Variants in GLRA3 observed in about 807,000 individuals in gnomAD.
GLRA3 encodes glycine receptor alpha 3.
GLRA3 carries 44 observed loss-of-function variants against 60.4 expected under a neutral mutation model. The observed-to-expected ratio is 0.73, with a 90% confidence interval of 0.57 to 0.94. The LOEUF is 0.94. GLRA3 is among the 40% of genes least tolerant of loss of function. The probability of loss-of-function intolerance (pLI) is 0.00; values close to 1 mark genes in which losing one functional copy is unlikely to be tolerated. For missense variants in GLRA3, 508 were observed against 564.6 expected (o/e 0.90, Z 1.02); for synonymous variants, 223 against 192.9 (o/e 1.16, Z -1.29).
chr4:174,815,543 T>G (rs1021025323), intron 1 of GLRA3, among the ~76,000 whole-genome samples: 1 of 152,220 alleles, frequency 6.6e-6, no homozygotes, highest in African/African-American at 2.4e-5. Flanking sequence ...GGCATTTCCA[T>G]ACATCCTCTG....
intron 5 of GLRA3, among the ~76,000 whole-genome samples, chr4:174,685,365 G>C (rs1247986271): frequency 6.6e-6 from 1 of 152,172 alleles, no homozygotes; most frequent in African/African-American, 2.4e-5. Context: ...GATGGTAGTA[G>C]CAAGAGCATC....
Position 174,640,741 on chromosome 4 carries a change from T to C in GLRA3, c.*3045A>G, listed in dbSNP as rs1440445711. The C allele has an allele frequency of 6.6e-6, 1 of 151,974 alleles. No individual in the cohort carries two copies. Among genetic ancestry groups the C allele is most frequent in the Non-Finnish European group, 1.5e-5 (1 of 67,950 alleles). The allele number at this position is 151,974 out of a possible 1,614,324, so 9.4% of individuals were successfully genotyped here. A position where few individuals can be genotyped will look rare whatever the true frequency, so the allele number is the denominator to read the frequency against. ...TTCATGTCTTAGGGATATATAAATATACAAGCAATTAAATTCCAAATTAAG... is the reference window on the plus strand; with the variant it reads ...TTCATGTCTTAGGGATATATAAATACACAAGCAATTAAATTCCAAATTAAG... On this transcript the variant is annotated 3_prime_UTR_variant, in exon 10 of 10. Transcript: ENST00000274093.
At chr4:174,661,098 T>TG (rs1361040457) in intron 7 of GLRA3, among the ~76,000 whole-genome samples, 3 of 152,180 alleles carry the variant, frequency 2.0e-5, no homozygotes, top group Non-Finnish European at 2.9e-5. Context: ...ATCTGGGCAC[T>TG]GGGTGTATTC....
chr4:174,677,322 T>A, intron 6 of GLRA3, 30 bp from the exon 7 acceptor site: 1 of 1,225,098 alleles, frequency 8.2e-7, no homozygotes, highest in Non-Finnish European at 1.2e-6. Context: ...ATACAGCAAT[T>A]AGTACAAATA....
At chr4:174,745,977 A>G (rs565290843) in intron 3 of GLRA3, among the ~76,000 whole-genome samples, 1 of 152,276 alleles carries the variant, frequency 6.6e-6, no homozygotes, top group Non-Finnish European at 1.5e-5. Flanking sequence ...AATGGCTATT[A>G]TTAATAAGAA....
intron 5 of GLRA3, among the ~76,000 whole-genome samples, chr4:174,690,783 A>T (rs1028512047): frequency 6.6e-6 from 1 of 152,180 alleles, no homozygotes; most frequent in African/African-American, 2.4e-5. Context: ...TCCTGCAATT[A>T]GTTTGCCAAG....
chr4:174,713,566 T>C (rs1359528117), intron 5 of GLRA3: 2 of 152,230 alleles, frequency 1.3e-5, no homozygotes, highest in African/African-American at 2.4e-5. Context: ...TCGTTAACAA[T>C]AACAATTGCT....
chr4:174,763,926 T>A (rs993070890), intron 3 of GLRA3, among the ~76,000 whole-genome samples: 1 of 152,296 alleles, frequency 6.6e-6, no homozygotes, highest in East Asian at 1.9e-4. Flanking sequence ...AAGAATCTCA[T>A]TATGACTCAT....
At chr4:174,689,500 G>A (rs527341072) in intron 5 of GLRA3, among the ~76,000 whole-genome samples, 1 of 151,796 alleles carries the variant, frequency 6.6e-6, no homozygotes. Flanking sequence ...TTGAAGTCAC[G>A]GCTTTTAGAG....
intron 5 of GLRA3, among the ~76,000 whole-genome samples, chr4:174,705,449 A>T (rs1735475187): frequency 6.9e-6 from 1 of 144,590 alleles, no homozygotes; most frequent in African/African-American, 2.5e-5. Context: ...ACAATTAAAA[A>T]ATAAAAGAAG....
chr4:174,655,225 G>A (rs948229408), intron 9 of GLRA3, among the ~76,000 whole-genome samples: 6 of 152,130 alleles, frequency 3.9e-5, no homozygotes, highest in South Asian at 4.1e-4. Context: ...AGATTACTCA[G>A]ACTGTTTCTA....
chr4:174,694,864 TA>T, intron 5 of GLRA3, among the ~76,000 whole-genome samples: 1 of 151,916 alleles, frequency 6.6e-6, no homozygotes, highest in East Asian at 1.9e-4. Context: ...AACGTCCAGA[TA>T]AATATAATTA....
chr4:174,721,816 T>TAA (rs397732479), intron 4 of GLRA3, among the ~76,000 whole-genome samples: 5 of 149,908 alleles, frequency 3.3e-5, no homozygotes, highest in African/African-American at 1.2e-4. Context: ...TGAAAAAATA[T>TAA]GTGTGTGTAT....
chr4:174,638,138 T>C lies in GLRA3; in HGVS notation c.*5648A>G, dbSNP rs1732543007. The C allele has an allele frequency of 6.6e-6, 1 of 151,768 alleles. No individual in the cohort carries two copies. The highest frequency in any genetic ancestry group is 1.5e-5 in the Non-Finnish European group (1 of 68,022). The allele number at this position is 151,768 out of a possible 1,614,324, so 9.4% of individuals were successfully genotyped here. ...TTAACATTTTTATCATCTAGAGTTA[T>C]GTCACAATGGAACAGAAGACTGCCC... On this transcript the variant is annotated 3_prime_UTR_variant, in exon 10 of 10. Transcript: ENST00000274093.
intron 2 of GLRA3, among the ~76,000 whole-genome samples, chr4:174,777,574 A>C (rs1738649512): frequency 6.6e-6 from 1 of 152,216 alleles, no homozygotes; most frequent in Non-Finnish European, 1.5e-5. Flanking sequence ...TACTCATACC[A>C]CAAGCACAGG....
intron 2 of GLRA3, among the ~76,000 whole-genome samples, chr4:174,784,966 T>A (rs1739064565): frequency 6.6e-6 from 1 of 152,098 alleles, no homozygotes; most frequent in Non-Finnish European, 1.5e-5. Context: ...GGAAAGATAA[T>A]GTTAATGAGT....
chr4:174,639,500 C>T lies in GLRA3; in HGVS notation c.*4286G>A, dbSNP rs1732578305. 1 of 151,624 alleles carries T rather than the reference C, an allele frequency of 6.6e-6. No homozygotes were observed. The highest frequency in any genetic ancestry group is 1.5e-5 in the Non-Finnish European group (1 of 67,916). 9.4% of individuals were successfully genotyped at this position (151,624 alleles called of 1,614,324 possible). ...AAAAAAACAGGTAAGTGGGTCCTAGCTACTAACTTGGGATTATATCTCTTG... is the reference window on the plus strand; with the variant it reads ...AAAAAAACAGGTAAGTGGGTCCTAGTTACTAACTTGGGATTATATCTCTTG... On this transcript the variant is annotated 3_prime_UTR_variant, in exon 10 of 10. Coordinates refer to ENST00000274093, the MANE Select transcript of GLRA3 (RefSeq NM_006529.4).
chr4:174,692,207 T>G (rs1734855826), intron 5 of GLRA3, among the ~76,000 whole-genome samples: 2 of 149,868 alleles, frequency 1.3e-5, no homozygotes, highest in South Asian at 4.3e-4. Flanking sequence ...AGCCACCCCG[T>G]CCGGGAGGGA....
intron 1 of GLRA3, among the ~76,000 whole-genome samples, chr4:174,809,970 A>T (rs1740196841): frequency 6.6e-6 from 1 of 152,132 alleles, no homozygotes; most frequent in African/African-American, 2.4e-5. Context: ...CAAAATAAAA[A>T]GCCTTAAAGA....
Sources: allele counts gnomAD v4.1 joint callset (sites outside exome capture counted in the v4.1 genomes callset), GRCh38; gene constraint gnomAD v4.1.1; transcripts MANE v1.5; gene names NCBI Gene and HGNC (gene_info 2026-07-23, HGNC 2026-07-21).